Variants in KLHL14 observed in about 807,000 individuals in gnomAD.
The protein encoded by KLHL14 is kelch like family member 14.
A neutral mutation model predicts 64.3 loss-of-function variants in KLHL14; 22 were observed. The ratio of observed to expected loss-of-function variants is 0.34; its 90% CI spans 0.24 to 0.49. KLHL14 has a LOEUF of 0.49. KLHL14 is among the 20% of genes least tolerant of loss of function. The probability of loss-of-function intolerance (pLI) is 0.99; values close to 1 mark genes in which losing one functional copy is unlikely to be tolerated. For synonymous variants in KLHL14, 322 were observed against 333.4 expected, an observed-to-expected ratio of 0.97 and a Z score of 0.37; for missense variants, 661 against 789.0, an observed-to-expected ratio of 0.84 and a Z score of 1.94.
intron 2 of KLHL14, among the ~76,000 whole-genome samples, chr18:32,751,414 A>C (rs535381888): frequency 6.6e-6 from 1 of 152,346 alleles, no homozygotes; most frequent in East Asian, 1.9e-4. Flanking sequence ...AAGTATCATT[A>C]TCCCCATTTA....
At chr18:32,716,979 G>C (rs760546780) in intron 3 of KLHL14, among the ~76,000 whole-genome samples, 102 of 152,130 alleles carry the variant, frequency 6.7e-4, no homozygotes, top group Non-Finnish European at 1.0e-4. Context: ...GCCTATAAGA[G>C]AAAGGCCAAC....
chr18:32,736,312 C>A (rs891152124), intron 3 of KLHL14, among the ~76,000 whole-genome samples: 1 of 152,038 alleles, frequency 6.6e-6, no homozygotes, highest in Non-Finnish European at 1.5e-5. Flanking sequence ...AGATATATAG[C>A]AATGTGCAGC....
chr18:32,696,665 C>CTTTTTTTTTTTTTTTTTTT (rs2049938144), intron 3 of KLHL14, among the ~76,000 whole-genome samples: 1 of 152,138 alleles, frequency 6.6e-6, no homozygotes, highest in Admixed American at 6.6e-5. Flanking sequence ...CCAACTCTTA[C>CTTTTTTTTTTTTTTTTTTT]TTTGTGCTCC....
chr18:32,739,583 T>A (rs2050184468), intron 3 of KLHL14, among the ~76,000 whole-genome samples: 2 of 152,070 alleles, frequency 1.3e-5, no homozygotes. Flanking sequence ...GCCATAAGTA[T>A]GTCTGAGTAT....
At chr18:32,750,928 T>C (rs1376500533) in intron 2 of KLHL14, among the ~76,000 whole-genome samples, 1 of 152,192 alleles carries the variant, frequency 6.6e-6, no homozygotes, top group Admixed American at 6.5e-5. Context: ...TTAAAAACCA[T>C]TGAATTCCCA....
chr18:32,760,203 T>C (rs2050306489), intron 2 of KLHL14, among the ~76,000 whole-genome samples: 1 of 152,172 alleles, frequency 6.6e-6, no homozygotes, highest in Non-Finnish European at 1.5e-5. Flanking sequence ...AGATTGTGAA[T>C]TGTGGACCAT....
intron 3 of KLHL14, among the ~76,000 whole-genome samples, chr18:32,715,552 T>G (rs2050041181): frequency 6.6e-6 from 1 of 152,122 alleles, no homozygotes. Context: ...CTTTATTGAA[T>G]TCACTTTTTT....
intron 7 of KLHL14, among the ~76,000 whole-genome samples, chr18:32,679,331 G>T (rs1440246384): frequency 6.6e-6 from 1 of 152,078 alleles, no homozygotes; most frequent in Non-Finnish European, 1.5e-5. Flanking sequence ...ACACATGTGC[G>T]TTATCTACCA....
At chr18:32,764,650 A>G (rs915186957) in intron 2 of KLHL14, among the ~76,000 whole-genome samples, 9 of 152,190 alleles carry the variant, frequency 5.9e-5, no homozygotes, top group Non-Finnish European at 1.0e-4. Context: ...AAATTAAAAG[A>G]ATAATATTTC....
intron 3 of KLHL14, among the ~76,000 whole-genome samples, chr18:32,716,068 AC>A (rs1272679566): frequency 2.0e-5 from 3 of 152,230 alleles, no homozygotes; most frequent in Non-Finnish European, 4.4e-5. Flanking sequence ...CATTCATCTG[AC>A]ATTTAGAAGT....
rs565966250 is a variant in KLHL14, at chr18:32,694,945, T to A, written c.1159+518A>T. On this transcript the variant is annotated intron_variant, in intron 4 of 8. Transcript: ENST00000359358. ...GTAATCACATCTACGGGGAGGATGG[T>A]GGATAATCTATGGAAGAAGCACTTG... is the stretch of plus-strand genomic sequence containing the variant. 2.6e-5 allele frequency among the ~76,000 whole-genome samples: 4 copies of A among 152,280 alleles called. No homozygotes were observed. The South Asian group carries it at 6.2e-4, about 24-fold the overall frequency.
At chr18:32,719,518 T>G (rs1035508717) in intron 3 of KLHL14, among the ~76,000 whole-genome samples, 7 of 152,232 alleles carry the variant, frequency 4.6e-5, no homozygotes, top group African/African-American at 1.7e-4. Context: ...GTTGATGTAA[T>G]GCATCTGAAT....
intron 5 of KLHL14, among the ~76,000 whole-genome samples, chr18:32,681,739 C>A (rs2049839971): frequency 6.6e-6 from 1 of 152,138 alleles, no homozygotes; most frequent in South Asian, 2.1e-4. Context: ...GATTGCAAGA[C>A]AAGGAGTGCT....
At chr18:32,745,996 A>G (rs1460081987) in intron 2 of KLHL14, among the ~76,000 whole-genome samples, 1 of 152,116 alleles carries the variant, frequency 6.6e-6, no homozygotes, top group Non-Finnish European at 1.5e-5. Flanking sequence ...CAAAATTTAT[A>G]AATGTAGCCT....
chr18:32,729,353 G>T (rs1000875862), intron 3 of KLHL14, among the ~76,000 whole-genome samples: 2 of 151,880 alleles, frequency 1.3e-5, no homozygotes, highest in Non-Finnish European at 2.9e-5. Context: ...AATAAAATTA[G>T]AAATTGAGTT....
chr18:32,759,400 A>G (rs765293411), intron 2 of KLHL14, among the ~76,000 whole-genome samples: 1 of 152,210 alleles, frequency 6.6e-6, no homozygotes, highest in Non-Finnish European at 1.5e-5. Flanking sequence ...AGGCAAATAT[A>G]TATATAAATG....
At position 32,677,156 on chromosome 18, in the gene KLHL14, T is replaced by C; in HGVS notation, c.1746+17A>G. On this transcript the variant is annotated intron_variant, in intron 8 of 8. Transcript: ENST00000359358. ...ACAAACGAAATAAAGGAGGATGCAG[T>C]AAATGTGGACACATACCATACTCCA... 1.2e-6 allele frequency: 2 copies of C among 1,603,846 alleles called. No individual in the cohort carries two copies. Among genetic ancestry groups the C allele is most frequent in the Middle Eastern group, 1.7e-4 (1 of 5,986 alleles).
At chr18:32,742,110 A>C in intron 2 of KLHL14, 61 bp from the exon 3 acceptor site, 1 of 1,521,440 alleles carries the variant, frequency 6.6e-7, no homozygotes, top group South Asian at 1.2e-5. Flanking sequence ...TTTTAGTGGC[A>C]ACGAAATCAT....
At chr18:32,763,452 C>T (rs985864591) in intron 2 of KLHL14, among the ~76,000 whole-genome samples, 2 of 152,108 alleles carry the variant, frequency 1.3e-5, no homozygotes, top group Non-Finnish European at 1.5e-5. Context: ...CCAATATATA[C>T]TCATAATGGC....
Sources: allele counts gnomAD v4.1 joint callset (sites outside exome capture counted in the v4.1 genomes callset), GRCh38; gene constraint gnomAD v4.1.1; transcripts MANE v1.5; gene names NCBI Gene and HGNC (gene_info 2026-07-23, HGNC 2026-07-21).